The following MAGI3 variants were observed in gnomAD, a reference collection of about 807,000 sequenced individuals.
MAGI3 encodes the protein membrane associated guanylate kinase, WW and PDZ domain containing 3.
Under a neutral mutation model 121.8 loss-of-function variants are expected in MAGI3, and 43 were observed. The observed-to-expected ratio is 0.35, with a 90% CI of 0.28 to 0.46. The LOEUF (loss-of-function observed/expected upper bound fraction) is 0.46, where lower values mean the gene tolerates loss of function less well. Among genes scored for constraint, MAGI3 ranks in the 20% least tolerant of loss-of-function variants. The pLI is 1.00. For synonymous variants in MAGI3, 553 were observed against 639.3 expected (o/e 0.86, Z 2.04); for missense variants, 1,547 against 1,797.3 (o/e 0.86, Z 2.52).
At chr1:113,643,870 C>T in intron 11 of MAGI3, 96 bp downstream of exon 11, 3 of 1,285,926 alleles carry the variant, frequency 2.3e-6, no homozygotes, top group East Asian at 2.3e-5. Flanking sequence ...TGATGATTAT[C>T]GACTGGGAGA....
At chr1:113,643,430 T>TA (rs1652660791) in intron 10 of MAGI3, among the ~76,000 whole-genome samples, 1 of 152,186 alleles carries the variant, frequency 6.6e-6, no homozygotes, top group African/African-American at 2.4e-5. Context: ...CTTCAACAAG[T>TA]ATAACAAAGA....
Position 113,537,860 on chromosome 1 carries a change from A to T in MAGI3, c.317-11655A>T, listed in dbSNP as rs529411844. Among the ~76,000 whole-genome samples, 72 of 152,320 alleles carry T rather than the reference A, an allele frequency of 4.7e-4. 2 individuals are homozygous for T. The highest frequency in any genetic ancestry group is 2.5e-3 in the South Asian group (12 of 4,820). ...ATTTTACATTTTGAAGGATCATTTTAAAAAATATTTTAAATGTGTTATTGA... is the reference window on the plus strand; with the variant it reads ...ATTTTACATTTTGAAGGATCATTTTTAAAAATATTTTAAATGTGTTATTGA... On this transcript the variant is annotated intron_variant, in intron 1 of 20. Coordinates refer to ENST00000307546, the MANE Select transcript of MAGI3 (RefSeq NM_001142782.2).
Position 113,680,712 on chromosome 1 carries a change from T to A in MAGI3, c.3190-486T>A, listed in dbSNP as rs778863689. ...GCGGAGCTTGCAGTGAGCCGAGGTC[T>A]CGCCACTGCACTCCAGCCTGGGCGA... is the stretch of plus-strand genomic sequence containing the variant. On this transcript the variant is annotated intron_variant, in intron 19 of 20. Coordinates refer to ENST00000307546, the MANE Select transcript of MAGI3 (RefSeq NM_001142782.2). Among the ~76,000 whole-genome samples the A allele has an allele frequency of 2.0e-5, 3 of 151,842 alleles. No individual in the cohort carries two copies. The East Asian group carries it at 5.9e-4, about 30-fold the overall frequency.
chr1:113,424,876 G>A (rs2101396610), intron 1 of MAGI3, among the ~76,000 whole-genome samples: 1 of 152,338 alleles, frequency 6.6e-6, no homozygotes, highest in African/African-American at 2.4e-5. Context: ...GCTCACGCCT[G>A]TAATCCCAGC....
At chr1:113,637,077 A>G (rs916348871) in intron 9 of MAGI3, among the ~76,000 whole-genome samples, 3 of 151,688 alleles carry the variant, frequency 2.0e-5, no homozygotes, top group Non-Finnish European at 2.9e-5. Flanking sequence ...TTTTCCATTT[A>G]CTTGGTAGAT....
intron 2 of MAGI3, among the ~76,000 whole-genome samples, chr1:113,567,550 T>C (rs1047902641): frequency 6.6e-6 from 1 of 152,078 alleles, no homozygotes; most frequent in African/African-American, 2.4e-5. Flanking sequence ...ATATTGCACA[T>C]TAAAAAATCA....
chr1:113,409,464 G>C (rs1557739949), intron 1 of MAGI3, among the ~76,000 whole-genome samples: 2 of 152,056 alleles, frequency 1.3e-5, no homozygotes, highest in Admixed American at 6.6e-5. Flanking sequence ...GCAACATGGT[G>C]AGACCCTGTC....
At position 113,651,181 on chromosome 1, in the gene MAGI3, T is replaced by C; in HGVS notation, c.2415T>C (p.Thr805=). The part of the protein sequence containing the change: ...TAARNGHVLL[T]VRRKIFYGEK... The stretch of plus-strand genomic sequence containing the variant: ...CTCGAAATGGCCATGTGTTACTAAC[T>C]GTCAGACGGAAGATCTTCTATGGAG... The change falls in exon 14 of 21, where the codon ACT becomes ACC. Residue 805 remains threonine, a synonymous_variant. Transcript: ENST00000307546. The C allele has an allele frequency of 6.2e-7, 1 of 1,612,180 alleles. No homozygotes were observed. The highest frequency in any genetic ancestry group is 8.5e-7 in the Non-Finnish European group (1 of 1,179,590).
intron 1 of MAGI3, among the ~76,000 whole-genome samples, chr1:113,534,748 C>A (rs1057057988): frequency 2.6e-5 from 4 of 152,150 alleles, no homozygotes; most frequent in Non-Finnish European, 5.9e-5. Flanking sequence ...ACCCTTCTGT[C>A]CTCTTCGTTT....
intron 1 of MAGI3, among the ~76,000 whole-genome samples, chr1:113,466,108 T>C (rs1655270641): frequency 6.6e-6 from 1 of 152,150 alleles, no homozygotes; most frequent in South Asian, 2.1e-4. Flanking sequence ...TATTTCACCT[T>C]TGAGTGCAGT....
At chr1:113,401,372 A>G (rs1651391838) in intron 1 of MAGI3, among the ~76,000 whole-genome samples, 1 of 152,148 alleles carries the variant, frequency 6.6e-6, no homozygotes, top group Non-Finnish European at 1.5e-5. Context: ...TTCTGTTTCA[A>G]AACAGAGTTT....
At chr1:113,428,811 A>G (rs1048874838) in intron 1 of MAGI3, among the ~76,000 whole-genome samples, 1 of 152,224 alleles carries the variant, frequency 6.6e-6, no homozygotes, top group African/African-American at 2.4e-5. Flanking sequence ...GGTTTCATAC[A>G]ATCACAGTTG....
At chr1:113,581,419 A>G (rs1209991670) in intron 3 of MAGI3, among the ~76,000 whole-genome samples, 1 of 152,172 alleles carries the variant, frequency 6.6e-6, no homozygotes, top group Non-Finnish European at 1.5e-5. Context: ...TTTGTGTTCT[A>G]TCCAAAAGAG....
intron 14 of MAGI3, among the ~76,000 whole-genome samples, chr1:113,653,258 G>C (rs1653273056): frequency 6.6e-6 from 1 of 152,164 alleles, no homozygotes; most frequent in Admixed American, 6.6e-5. Flanking sequence ...ATTGGTCCAT[G>C]TTATAAAACT....
chr1:113,494,621 T>A (rs993712836), intron 1 of MAGI3, among the ~76,000 whole-genome samples: 2 of 152,156 alleles, frequency 1.3e-5, no homozygotes, highest in East Asian at 1.9e-4. Context: ...AATATAAAAC[T>A]AGGCAGAAAC....
intron 6 of MAGI3, among the ~76,000 whole-genome samples, chr1:113,612,671 G>A (rs541800115): frequency 2.6e-5 from 4 of 152,272 alleles, no homozygotes; most frequent in East Asian, 1.9e-4. Flanking sequence ...TGGTAAAGGT[G>A]TAAAATTAAT....
At chr1:113,441,870 A>G (rs1196171526) in intron 1 of MAGI3, among the ~76,000 whole-genome samples, 2 of 152,158 alleles carry the variant, frequency 1.3e-5, no homozygotes, top group African/African-American at 2.4e-5. Flanking sequence ...TAATATTTAC[A>G]TGTTGAAGCA....
In MAGI3 at chr1:113,594,508, G is replaced by T; in HGVS notation, c.966G>T (p.Leu322Phe). 1.2e-6 allele frequency: 2 copies of T among 1,613,006 alleles called. No individual in the cohort carries two copies. The highest frequency in any genetic ancestry group is 1.7e-6 in the Non-Finnish European group (2 of 1,179,482). ...ACAATACCAAGACAACCACCTGGTT[G>T]GATCCTCGTCTTTGTAAGAAAGCCA... Reference protein sequence around the residue: ...IDHNTKTTTWLDPRLCKKAKA... With the variant: ...IDHNTKTTTWFDPRLCKKAKA... Residue 322 changes from leucine (L) to phenylalanine (F), a missense_variant, in exon 6 of 21, where the codon TTG (leucine) becomes TTT (phenylalanine). Physicochemically the swap from Leu to Phe is conservative, Grantham distance 22. Transcript: ENST00000307546.
intron 6 of MAGI3, among the ~76,000 whole-genome samples, chr1:113,604,274 TAAAATGTGGTATTGCCAGGTGC>T (rs1649594312): frequency 6.6e-6 from 1 of 151,908 alleles, no homozygotes; most frequent in Non-Finnish European, 1.5e-5. Flanking sequence ...AGTGGATAAA[TAAAATGTGGTATTGCCAGGTGC>T]ATTGGCTCAT....
Sources: gnomAD v4.1 joint callset for allele counts (sites outside exome capture counted in the v4.1 genomes callset) on GRCh38, gnomAD v4.1.1 for gene constraint, MANE v1.5 for transcripts, NCBI Gene and HGNC (gene_info 2026-07-23, HGNC 2026-07-21) for gene names.